ELAVL2: variants seen among roughly 807,000 people sequenced by gnomAD.
ELAVL2 encodes ELAV-like protein 2.
In ELAVL2, 4 loss-of-function variants were observed where a neutral mutation model predicts 34.6. That is an observed-to-expected ratio of 0.12 (90% CI 0.06 to 0.26). The LOEUF (loss-of-function observed/expected upper bound fraction) is 0.26, where lower values mean the gene tolerates loss of function less well. Among genes scored for constraint, ELAVL2 ranks in the 10% least tolerant of loss-of-function variants. The pLI is 1.00. For synonymous variants in ELAVL2, 193 were observed against 154.8 expected, an observed-to-expected ratio of 1.25 and a Z score of -1.83; for missense variants, 432 against 442.8, an observed-to-expected ratio of 0.98 and a Z score of 0.22.
chr9:23,712,798 T>C (rs1391400287), intron 3 of ELAVL2, among the ~76,000 whole-genome samples: 1 of 152,206 alleles, frequency 6.6e-6, no homozygotes, highest in Non-Finnish European at 1.5e-5. Flanking sequence ...TAGCTTCAAC[T>C]TAAAGGCGAC....
chr9:23,705,947 T>C (rs1321212471), intron 3 of ELAVL2, among the ~76,000 whole-genome samples: 4 of 152,142 alleles, frequency 2.6e-5, no homozygotes, highest in African/African-American at 9.7e-5. Flanking sequence ...CTCTCACATC[T>C]GTGTGGGTGG....
intron 1 of ELAVL2, among the ~76,000 whole-genome samples, chr9:23,768,685 T>G (rs947036360): frequency 2.6e-5 from 4 of 152,166 alleles, no homozygotes; most frequent in Non-Finnish European, 5.9e-5. Flanking sequence ...GTATTTTTAT[T>G]TCAACAATCT....
intron 1 of ELAVL2, among the ~76,000 whole-genome samples, chr9:23,809,591 A>G (rs2062707184): frequency 6.6e-6 from 1 of 152,176 alleles, no homozygotes; most frequent in Non-Finnish European, 1.5e-5. Flanking sequence ...ATATGCAAAT[A>G]ATTTTCAATT....
intron 1 of ELAVL2, among the ~76,000 whole-genome samples, chr9:23,820,951 G>C (rs868579536): frequency 3.3e-5 from 5 of 152,120 alleles, no homozygotes; most frequent in African/African-American, 4.8e-5. Flanking sequence ...CGCACGAGGG[G>C]ATCATCATTG....
At chr9:23,748,455 C>G (rs1051763572) in intron 2 of ELAVL2, among the ~76,000 whole-genome samples, 2 of 152,124 alleles carry the variant, frequency 1.3e-5, no homozygotes, top group East Asian at 3.9e-4. Flanking sequence ...GAGAAGACTT[C>G]CAGGGAGCAA....
chr9:23,783,784 T>C (rs1387029126), intron 1 of ELAVL2, among the ~76,000 whole-genome samples: 9 of 151,266 alleles, frequency 5.9e-5, no homozygotes, highest in Non-Finnish European at 5.9e-5. Flanking sequence ...TGTATCTGGA[T>C]GACAGATGAA....
rs1292673719 is a variant in ELAVL2 at position 23,748,160 on chromosome 9, G to C, written c.229+13846C>G. ...GTGGTTGACTGTTATATTGATGGGGGGCTTCCTTGAGGGGTAGGGGGAAAG... is the reference window on the plus strand; with the variant it reads ...GTGGTTGACTGTTATATTGATGGGGCGCTTCCTTGAGGGGTAGGGGGAAAG... On this transcript the variant is annotated intron_variant, in intron 2 of 6. Coordinates refer to ENST00000397312, the MANE Select transcript of ELAVL2 (RefSeq NM_004432.5). 2.0e-5 allele frequency among the ~76,000 whole-genome samples: 3 copies of C among 151,002 alleles called. No individual in the cohort carries two copies. In the East Asian group the frequency reaches 5.9e-4, roughly 30 times the overall value.
chr9:23,712,093 G>A (rs1468908988), intron 3 of ELAVL2, among the ~76,000 whole-genome samples: 3 of 152,060 alleles, frequency 2.0e-5, no homozygotes, highest in Non-Finnish European at 4.4e-5. Context: ...TGGGGCGGGG[G>A]GAGTCTTAAT....
the ELAVL2 span, among the ~76,000 whole-genome samples, chr9:23,835,953 C>T: frequency 6.6e-6 from 1 of 152,136 alleles, no homozygotes; most frequent in Admixed American, 6.5e-5. Context: ...AGGTCAAGCC[C>T]AGTCATCTGA....
intron 1 of ELAVL2, among the ~76,000 whole-genome samples, chr9:23,806,997 A>C (rs2062317036): frequency 6.6e-6 from 1 of 152,200 alleles, no homozygotes; most frequent in Admixed American, 6.5e-5. Flanking sequence ...AAGGGGCTGA[A>C]ATCTAAAAGC....
intron 3 of ELAVL2, among the ~76,000 whole-genome samples, chr9:23,729,797 C>G (rs1038742266): frequency 2.6e-5 from 4 of 151,986 alleles, no homozygotes; most frequent in Admixed American, 6.6e-5. Flanking sequence ...CAAAACCACT[C>G]AGGGCTAATA....
chr9:23,786,332 C>G (rs1314959856), intron 1 of ELAVL2, among the ~76,000 whole-genome samples: 1 of 152,074 alleles, frequency 6.6e-6, no homozygotes, highest in Admixed American at 6.6e-5. Context: ...TATATAGGCT[C>G]AGACTATTCA....
intron 2 of ELAVL2, among the ~76,000 whole-genome samples, chr9:23,757,822 T>TAC (rs1035693730): frequency 6.6e-6 from 1 of 152,118 alleles, no homozygotes; most frequent in African/African-American, 2.4e-5. Context: ...TTTCTTAATG[T>TAC]ACTTCCCTAA....
chr9:23,754,738 C>T (rs1390846021), intron 2 of ELAVL2, among the ~76,000 whole-genome samples: 8 of 152,134 alleles, frequency 5.3e-5, no homozygotes, highest in Non-Finnish European at 8.8e-5. Flanking sequence ...GCTGAGAATA[C>T]AGGCATGAAT....
At chr9:23,808,320 C>T (rs762934209) in intron 1 of ELAVL2, among the ~76,000 whole-genome samples, 1 of 152,084 alleles carries the variant, frequency 6.6e-6, no homozygotes, top group African/African-American at 2.4e-5. Context: ...CCAATAAACT[C>T]TAAGTTTCAT....
intron 1 of ELAVL2, among the ~76,000 whole-genome samples, chr9:23,782,899 G>C (rs2059247767): frequency 6.6e-6 from 1 of 152,164 alleles, no homozygotes. Context: ...AGTGAAACCA[G>C]GAAGGAAGAC....
At chr9:23,705,546 G>A (rs2039036941) in intron 3 of ELAVL2, among the ~76,000 whole-genome samples, 2 of 152,172 alleles carry the variant, frequency 1.3e-5, no homozygotes, top group Admixed American at 6.5e-5. Context: ...GTCTTCTGTG[G>A]GGCCAATCCC....
At chr9:23,731,741 T>A (rs1182014616) in intron 2 of ELAVL2, among the ~76,000 whole-genome samples, 2 of 152,038 alleles carry the variant, frequency 1.3e-5, no homozygotes, top group South Asian at 4.1e-4. Flanking sequence ...CAGGAAAATA[T>A]GAACACAAAA....
chr9:23,800,353 T>TG (rs1182549518), intron 1 of ELAVL2, among the ~76,000 whole-genome samples: 1 of 152,180 alleles, frequency 6.6e-6, no homozygotes, highest in Non-Finnish European at 1.5e-5. Flanking sequence ...CCAGGGTATC[T>TG]GCTCATGCAG....
Sources: gnomAD v4.1 joint callset for allele counts (sites outside exome capture counted in the v4.1 genomes callset) on GRCh38, gnomAD v4.1.1 for gene constraint, MANE v1.5 for transcripts, NCBI Gene and HGNC (gene_info 2026-07-23, HGNC 2026-07-21) for gene names.